Variants in XPR1 observed in about 807,000 individuals in gnomAD.
The protein encoded by XPR1 is solute carrier family 53 member 1.
In XPR1, 28 loss-of-function variants were observed where a neutral mutation model predicts 87.5. That is an observed-to-expected ratio of 0.32 (90% CI 0.24 to 0.44). XPR1 has a LOEUF of 0.44. Ranked by LOEUF, XPR1 falls within the 20% of genes least tolerant of loss-of-function variation. The probability of loss-of-function intolerance (pLI) is 1.00; values close to 1 mark genes in which losing one functional copy is unlikely to be tolerated. For missense variants in XPR1, 559 were observed against 862.3 expected, an observed-to-expected ratio of 0.65 and a Z score of 4.41; for synonymous variants, 300 against 306.1, an observed-to-expected ratio of 0.98 and a Z score of 0.21.
rs763169222 is a variant in XPR1 at position 180,863,729 on chromosome 1, T to G, written c.1523T>G (p.Met508Arg). 1 of 1,597,628 alleles carries G rather than the reference T, an allele frequency of 6.3e-7. No individual in the cohort carries two copies. ...THKERGHSDT[M>R]VFFYLWIVFY... The stretch of plus-strand genomic sequence containing the variant: ...TCAGAACGAGGTCACTCGGACACTA[T>G]GGTGTTCTTTTACCTGTGGATTGTC... The change falls in exon 12 of 15, where the codon ATG becomes AGG. Residue 508 changes from methionine to arginine, a missense_variant. Coordinates refer to ENST00000367590, the MANE Select transcript of XPR1 (RefSeq NM_004736.4).
rs188990847 is a variant in XPR1 at position 180,633,148 on chromosome 1, G to T, written c.69+878G>T. 7.2e-5 allele frequency among the ~76,000 whole-genome samples: 11 copies of T among 152,248 alleles called. No individual in the cohort carries two copies. The East Asian group carries it at 1.9e-3, about 27-fold the overall frequency. ...CCCTCCCAATTTCTGTGCTAACACT[G>T]CTGGAAGGTATTTAATAGATAATAA... On this transcript the variant is annotated intron_variant, in intron 1 of 14. Coordinates refer to ENST00000367590, the MANE Select transcript of XPR1 (RefSeq NM_004736.4).
At chr1:180,785,916 T>C (rs138913549) in intron 2 of XPR1, among the ~76,000 whole-genome samples, 192 of 150,060 alleles carry the variant, frequency 1.3e-3, no homozygotes, top group African/African-American at 4.5e-3. Flanking sequence ...TCTGTTACCA[T>C]AGAGCTTCCT....
At chr1:180,673,942 T>C (rs1045600338) in intron 1 of XPR1, among the ~76,000 whole-genome samples, 1 of 152,216 alleles carries the variant, frequency 6.6e-6, no homozygotes. Context: ...CTGAGACATA[T>C]CTCATGCATA....
chr1:180,752,225 A>G (rs1043193782), intron 2 of XPR1, among the ~76,000 whole-genome samples: 7 of 152,228 alleles, frequency 4.6e-5, no homozygotes, highest in Non-Finnish European at 5.9e-5. Context: ...CTATAAAAAC[A>G]GAAGAAATGT....
At chr1:180,633,530 G>T (rs1390225744) in intron 1 of XPR1, among the ~76,000 whole-genome samples, 1 of 152,200 alleles carries the variant, frequency 6.6e-6, no homozygotes, top group Non-Finnish European at 1.5e-5. Context: ...AGAAGACAGG[G>T]AAAGAGATGC....
At chr1:180,831,731 CT>C (rs1255634244) in intron 9 of XPR1, among the ~76,000 whole-genome samples, 6 of 152,018 alleles carry the variant, frequency 3.9e-5, no homozygotes, top group Non-Finnish European at 8.8e-5. Flanking sequence ...TGAACTCATC[CT>C]TTTTTATGGC....
chr1:180,806,788 A>G (rs1020745681), intron 6 of XPR1, among the ~76,000 whole-genome samples: 3 of 152,114 alleles, frequency 2.0e-5, no homozygotes, highest in Admixed American at 2.0e-4. Flanking sequence ...TCTTACTGAC[A>G]TGTTAACTTA....
At chr1:180,741,127 G>T (rs1557984010) in intron 2 of XPR1, among the ~76,000 whole-genome samples, 6 of 151,940 alleles carry the variant, frequency 3.9e-5, no homozygotes, top group African/African-American at 1.5e-4. Flanking sequence ...TTTGTTAAAT[G>T]TTGGTTGATC....
At chr1:180,656,343 TATATTTAATATTTA>T (rs1655467056) in intron 1 of XPR1, among the ~76,000 whole-genome samples, 1 of 107,896 alleles carries the variant, frequency 9.3e-6, no homozygotes, top group Admixed American at 1.5e-4. Context: ...ATAATATTTA[TATATTTAATATTTA>T]TATATATAAT....
intron 1 of XPR1, among the ~76,000 whole-genome samples, chr1:180,651,982 C>T (rs1476476948): frequency 6.6e-6 from 1 of 152,106 alleles, no homozygotes; most frequent in African/African-American, 2.4e-5. Flanking sequence ...TGTACTGGAG[C>T]CTGTGGCCTA....
At chr1:180,818,085 G>A (rs1650478429) in intron 7 of XPR1, among the ~76,000 whole-genome samples, 3 of 151,782 alleles carry the variant, frequency 2.0e-5, no homozygotes, top group Admixed American at 2.0e-4. Flanking sequence ...AAAATAGTAT[G>A]TGTTTCTCTA....
At position 180,748,400 on chromosome 1, in the gene XPR1, C is replaced by CTTTTTTTTTTTTTTTTTTTTTTT. The variant is rs71297873; in HGVS notation, c.122-39340_122-39318dup. Among the ~76,000 whole-genome samples, 22 of 29,682 alleles carry CTTTTTTTTTTTTTTTTTTTTTTT rather than the reference C, an allele frequency of 7.4e-4. 4 individuals carry two copies. The highest frequency in any genetic ancestry group is 2.1e-3 in the Admixed American group (4 of 1,898). 19.5% of individuals were successfully genotyped at this position (29,682 alleles called of 152,430 possible). A position where few individuals can be genotyped will look rare whatever the true frequency, so the allele number is the denominator to read the frequency against. On this transcript the variant is annotated intron_variant, in intron 2 of 14. Coordinates refer to ENST00000367590, the MANE Select transcript of XPR1 (RefSeq NM_004736.4). ...TGCTACTCTGTGTTATTATTTATGTCTTTTTTTTTTTTTTTTTTTTTTTTT... is the reference window on the plus strand; with the variant it reads ...TGCTACTCTGTGTTATTATTTATGTCTTTTTTTTTTTTTTTTTTTTTTTTTTTTTTTTTTTTTTTTTTTTTTTT...
intron 1 of XPR1, among the ~76,000 whole-genome samples, chr1:180,646,520 C>T (rs552105862): frequency 5.9e-5 from 9 of 152,108 alleles, no homozygotes; most frequent in African/African-American, 1.9e-4. Flanking sequence ...ACAAAGCTGG[C>T]TTGGAGAATA....
chr1:180,865,986 A>G (rs1472606875), intron 12 of XPR1, among the ~76,000 whole-genome samples: 2 of 152,110 alleles, frequency 1.3e-5, no homozygotes, highest in African/African-American at 4.8e-5. Flanking sequence ...CCAGGACAGA[A>G]GAATTGCTTG....
intron 11 of XPR1, among the ~76,000 whole-genome samples, chr1:180,852,111 A>C (rs1359856902): frequency 6.6e-6 from 1 of 152,036 alleles, no homozygotes; most frequent in African/African-American, 2.4e-5. Flanking sequence ...AAGTGCAATA[A>C]TACTATATTA....
intron 3 of XPR1, among the ~76,000 whole-genome samples, chr1:180,796,144 A>T (rs185077048): frequency 6.6e-6 from 1 of 152,070 alleles, no homozygotes; most frequent in Non-Finnish European, 1.5e-5. Flanking sequence ...GTAGATTTTC[A>T]TCATAGATCA....
chr1:180,802,120 A>C (rs1219751004), intron 3 of XPR1, among the ~76,000 whole-genome samples: 1 of 152,082 alleles, frequency 6.6e-6, no homozygotes, highest in Non-Finnish European at 1.5e-5. Flanking sequence ...TCTATGCCTC[A>C]TTTAATCTTT....
chr1:180,821,646 GTCTTAACAATATTAAA>G (rs1650628186), intron 7 of XPR1, among the ~76,000 whole-genome samples: 1 of 152,068 alleles, frequency 6.6e-6, no homozygotes, highest in Non-Finnish European at 1.5e-5. Context: ...TAGTATTGCC[GTCTTAACAATATTAAA>G]TCTTTAAATC....
At position 180,824,776 on chromosome 1, in the gene XPR1, A is replaced by G. The variant is rs749445946; in HGVS notation, c.787A>G (p.Arg263Gly). The part of the protein sequence containing the change: ...LAAVFKLETD[R>G]SIWPLIRIYR... ...AGCTGTATTTAAACTTGAAACAGAT[A>G]GAAGTATATGGCCCTTGATAAGAAT... The change falls in exon 8 of 15, where the codon AGA becomes GGA. Residue 263 changes from arginine to glycine, a missense_variant. By Grantham distance (125) the Arg-to-Gly change is moderately radical (BLOSUM62 -2). Coordinates refer to ENST00000367590, the MANE Select transcript of XPR1 (RefSeq NM_004736.4). 1 of 1,612,480 alleles carries G rather than the reference A, an allele frequency of 6.2e-7. No individual in the cohort carries two copies. The highest frequency in any genetic ancestry group is 1.7e-5 in the Admixed American group (1 of 59,562).
Sources: allele counts gnomAD v4.1 joint callset (sites outside exome capture counted in the v4.1 genomes callset), GRCh38; gene constraint gnomAD v4.1.1; transcripts MANE v1.5; gene names NCBI Gene and HGNC (gene_info 2026-07-23, HGNC 2026-07-21).